The following RAB27A variants were observed in gnomAD, a reference collection of about 807,000 sequenced individuals.
RAB27A encodes the protein RAB27A, member RAS oncogene family.
A neutral mutation model predicts 20.8 loss-of-function variants in RAB27A; 17 were observed. The ratio of observed to expected loss-of-function variants is 0.82; its 90% confidence interval spans 0.56 to 1.23. RAB27A has a LOEUF of 1.23. RAB27A is among the 50% of genes most tolerant of loss of function. The probability of loss-of-function intolerance (pLI) is 0.00; values close to 1 mark genes in which losing one functional copy is unlikely to be tolerated. For synonymous variants in RAB27A, 85 were observed against 92.8 expected (o/e 0.92, Z 0.48); for missense variants, 277 against 266.7 (o/e 1.04, Z -0.27).
Position 55,204,072 on chromosome 15 carries a change from TGC to T in RAB27A, c.*1433_*1434del, listed in dbSNP as rs1218737249. 2 of 152,176 alleles carry T rather than the reference TGC, an allele frequency of 1.3e-5. No homozygotes were observed. The allele number at this position is 152,176 out of a possible 1,614,324, so 9.4% of individuals were successfully genotyped here. On this transcript the variant is annotated 3_prime_UTR_variant, in exon 7 of 7. Transcript: ENST00000336787. ...TCTAATTACAGTTCTACCAAACATT[TGC>T]CACCACAAAATACAAGTATTTTTAT...
chr15:55,244,019 G>A (rs1896593014), intron 2 of RAB27A, among the ~76,000 whole-genome samples: 2 of 152,170 alleles, frequency 1.3e-5, no homozygotes, highest in Non-Finnish European at 2.9e-5. Flanking sequence ...TGTGAAGCTT[G>A]GGCGGGCACA....
At chr15:55,206,912 C>T (rs1024041097) in intron 6 of RAB27A, among the ~76,000 whole-genome samples, 1 of 152,006 alleles carries the variant, frequency 6.6e-6, no homozygotes, top group African/African-American at 2.4e-5. Flanking sequence ...AAATACATGG[C>T]ATTTCATATA....
In RAB27A at chr15:55,205,484, T is replaced by C. The variant is rs1159143777; in HGVS notation, c.*23A>G. 1.2e-6 allele frequency: 2 copies of C among 1,607,980 alleles called. No individual in the cohort carries two copies. The highest frequency in any genetic ancestry group is 1.7e-6 in the Non-Finnish European group (2 of 1,174,504). ...GATCCCAGGCATGGGCCACCTGAAC[T>C]ACTATGTCGCTTACTTGACTTCTCA... On this transcript the variant is annotated 3_prime_UTR_variant, in exon 7 of 7. Transcript: ENST00000336787.
chr15:55,277,110 T>C (rs1897895419), intron 1 of RAB27A, among the ~76,000 whole-genome samples: 1 of 152,158 alleles, frequency 6.6e-6, no homozygotes, highest in Non-Finnish European at 1.5e-5. Flanking sequence ...AATGGTATAC[T>C]TGTGGCAGGG....
intron 1 of RAB27A, among the ~76,000 whole-genome samples, chr15:55,277,496 G>A (rs980740902): frequency 6.6e-5 from 10 of 152,048 alleles, no homozygotes; most frequent in Non-Finnish European, 1.0e-4. Flanking sequence ...TATTTATTTC[G>A]TGTCTTTTGT....
chr15:55,257,791 G>C (rs567536588), intron 2 of RAB27A, among the ~76,000 whole-genome samples: 1 of 152,126 alleles, frequency 6.6e-6, no homozygotes, highest in Non-Finnish European at 1.5e-5. Context: ...TCAAGAGATC[G>C]AGACCAGCCT....
chr15:55,273,841 C>T (rs1432287705), intron 1 of RAB27A, among the ~76,000 whole-genome samples: 1 of 152,102 alleles, frequency 6.6e-6, no homozygotes, highest in African/African-American at 2.4e-5. Context: ...ACAGATCATC[C>T]AGATAGAAAA....
At chr15:55,248,189 C>T (rs1157718909) in intron 2 of RAB27A, among the ~76,000 whole-genome samples, 1 of 152,086 alleles carries the variant, frequency 6.6e-6, no homozygotes, top group Non-Finnish European at 1.5e-5. Flanking sequence ...GCACACAGGA[C>T]TTCCATCTCT....
At chr15:55,226,678 C>T (rs920088416) in intron 5 of RAB27A, among the ~76,000 whole-genome samples, 8 of 151,592 alleles carry the variant, frequency 5.3e-5, no homozygotes, top group African/African-American at 1.9e-4. Context: ...GATGAAACCC[C>T]GGGAGATGGG....
chr15:55,257,145 G>T (rs530338235), intron 2 of RAB27A, among the ~76,000 whole-genome samples: 1 of 152,368 alleles, frequency 6.6e-6, no homozygotes, highest in South Asian at 2.1e-4. Flanking sequence ...TTGAAGTGGG[G>T]AAGGGAAAGA....
chr15:55,211,978 T>TA (rs1895049241), intron 6 of RAB27A, among the ~76,000 whole-genome samples: 1 of 133,170 alleles, frequency 7.5e-6, no homozygotes, highest in South Asian at 2.4e-4. Context: ...TTTTTTTTTT[T>TA]AGCTTTTCCC....
chr15:55,274,388 A>G (rs1897790374), intron 1 of RAB27A, among the ~76,000 whole-genome samples: 1 of 152,146 alleles, frequency 6.6e-6, no homozygotes, highest in Non-Finnish European at 1.5e-5. Context: ...GAATGAAATA[A>G]TAAAAATTGG....
intron 1 of RAB27A, among the ~76,000 whole-genome samples, chr15:55,275,811 A>G (rs1048317750): frequency 6.6e-6 from 1 of 151,404 alleles, no homozygotes; most frequent in Admixed American, 6.6e-5. Flanking sequence ...TACATTAAAA[A>G]TGGTCAACAA....
At chr15:55,223,462 T>C (rs187756280) in intron 6 of RAB27A, among the ~76,000 whole-genome samples, 16 of 151,690 alleles carry the variant, frequency 1.1e-4, no homozygotes, top group African/African-American at 3.6e-4. Context: ...TGAGCCGAGA[T>C]TGTGCCACTG....
chr15:55,303,089 G>C (rs79558583), intron 2 of RAB27A, among the ~76,000 whole-genome samples: 2 of 132,686 alleles, frequency 1.5e-5, no homozygotes, highest in East Asian at 5.1e-4. Context: ...AGGTGGGGGG[G>C]TCAGCCCCCC....
intron 2 of RAB27A, among the ~76,000 whole-genome samples, chr15:55,294,851 T>C (rs1354681329): frequency 6.6e-6 from 1 of 152,104 alleles, no homozygotes; most frequent in Non-Finnish European, 1.5e-5. Flanking sequence ...CTTCACCAAA[T>C]TTTTTGTAAA....
chr15:55,299,848 T>C (rs2054964386), intron 2 of RAB27A, among the ~76,000 whole-genome samples: 1 of 148,118 alleles, frequency 6.8e-6, no homozygotes, highest in Admixed American at 6.8e-5. Flanking sequence ...TGAGATGGAG[T>C]CTCACTCTGT....
At chr15:55,233,627 T>C (rs902006866) in intron 3 of RAB27A, among the ~76,000 whole-genome samples, 2 of 152,160 alleles carry the variant, frequency 1.3e-5, no homozygotes, top group African/African-American at 4.8e-5. Flanking sequence ...AAGCCATTGA[T>C]AGAAAATTCA....
chr15:55,263,231 G>A (rs982241500), intron 2 of RAB27A, among the ~76,000 whole-genome samples: 1 of 152,086 alleles, frequency 6.6e-6, no homozygotes, highest in Non-Finnish European at 1.5e-5. Flanking sequence ...GAGAGCAAAG[G>A]GAGGTAGTTC....
Sources: gnomAD v4.1 joint callset for allele counts (sites outside exome capture counted in the v4.1 genomes callset) on GRCh38, gnomAD v4.1.1 for gene constraint, MANE v1.5 for transcripts, NCBI Gene and HGNC (gene_info 2026-07-23, HGNC 2026-07-21) for gene names.